Variants in DAB1 observed in about 807,000 individuals in gnomAD.
DAB1 encodes the protein disabled homolog 1.
DAB1 carries 15 observed loss-of-function variants against 64.6 expected under a neutral mutation model. That is an observed-to-expected ratio of 0.23 (90% CI 0.16 to 0.36). DAB1 has a LOEUF of 0.36. Ranked by LOEUF, DAB1 falls within the 10% of genes least tolerant of loss-of-function variation. The pLI is 1.00. For missense variants in DAB1, 596 were observed against 706.7 expected (o/e 0.84, Z 1.78); for synonymous variants, 235 against 251.9 (o/e 0.93, Z 0.64).
At chr1:57,774,172 G>A (rs1649689353) in intron 6 of DAB1, among the ~76,000 whole-genome samples, 1 of 151,666 alleles carries the variant, frequency 6.6e-6, no homozygotes. Flanking sequence ...TAAAATTTCA[G>A]CAATATTTTG....
Position 57,221,286 on chromosome 1 carries a change from T to G in DAB1, c.67+69678A>C, listed in dbSNP as rs565022912. ...GGGGGAGGGATAGCATTAGGAGATA[T>G]ACCTAATGTAAATGACGAGTTAATG... is the stretch of plus-strand genomic sequence containing the variant. On this transcript the variant is annotated intron_variant, in intron 2 of 14. Transcript: ENST00000371236. Among the ~76,000 whole-genome samples, 377 of 152,198 alleles carry G rather than the reference T, an allele frequency of 2.5e-3. 4 individuals are homozygous for G. The highest frequency in any genetic ancestry group is 8.6e-3 in the African/African-American group (356 of 41,546).
intron 2 of DAB1, among the ~76,000 whole-genome samples, chr1:58,521,407 A>C (rs546678446): frequency 6.6e-6 from 1 of 152,060 alleles, no homozygotes; most frequent in Non-Finnish European, 1.5e-5. Context: ...AACCCAAAAA[A>C]TGAATGCAGA....
At chr1:57,175,025 G>C (rs11206991) in intron 2 of DAB1, among the ~76,000 whole-genome samples, 15,086 of 152,178 alleles carry the variant, frequency 0.099, 1,640 homozygotes, top group African/African-American at 0.27. Flanking sequence ...TCCCCCAACA[G>C]AGCACACGGA....
intron 7 of DAB1, among the ~76,000 whole-genome samples, chr1:57,483,106 G>A (rs890878845): frequency 2.0e-5 from 3 of 152,126 alleles, no homozygotes; most frequent in Non-Finnish European, 4.4e-5. Flanking sequence ...ATATGCATGG[G>A]AAAAAGATGG....
chr1:57,613,434 TATGTGCACCCC>T, intron 7 of DAB1, among the ~76,000 whole-genome samples: 1 of 152,130 alleles, frequency 6.6e-6, no homozygotes, highest in Non-Finnish European at 1.5e-5. Context: ...CTCTGTCAGA[TATGTGCACCCC>T]ATGTATAAAA....
intron 8 of DAB1, among the ~76,000 whole-genome samples, chr1:57,068,383 C>T (rs1557662619): frequency 6.6e-6 from 1 of 152,214 alleles, no homozygotes; most frequent in Non-Finnish European, 1.5e-5. Context: ...TTCAACAAGG[C>T]TGACAACTTT....
At chr1:58,412,016 G>A (rs1644675338) in intron 3 of DAB1, among the ~76,000 whole-genome samples, 1 of 152,136 alleles carries the variant, frequency 6.6e-6, no homozygotes. Context: ...CCACTTTCAG[G>A]CTATGTTGCA....
At chr1:57,806,485 C>T (rs138248201) in intron 6 of DAB1, among the ~76,000 whole-genome samples, 121 of 152,260 alleles carry the variant, frequency 7.9e-4, no homozygotes, top group African/African-American at 2.4e-3. Flanking sequence ...ACCAAGGCAA[C>T]GACTGGCCAC....
At chr1:57,608,873 G>A (rs531218856) in intron 7 of DAB1, among the ~76,000 whole-genome samples, 2 of 152,154 alleles carry the variant, frequency 1.3e-5, no homozygotes, top group South Asian at 2.1e-4. Context: ...ACTCTGCCTC[G>A]GTTTCCTTAT....
intron 4 of DAB1, among the ~76,000 whole-genome samples, chr1:57,076,301 C>A (rs1215585203): frequency 6.6e-6 from 1 of 152,318 alleles, no homozygotes; most frequent in African/African-American, 2.4e-5. Flanking sequence ...TGGTTGCCCT[C>A]TTCCACATTT....
intron 7 of DAB1, among the ~76,000 whole-genome samples, chr1:57,618,550 G>C (rs1320150068): frequency 6.6e-6 from 1 of 152,192 alleles, no homozygotes; most frequent in African/African-American, 2.4e-5. Flanking sequence ...TTTGAGAAGT[G>C]ATTCCTAAAC....
intron 4 of DAB1, among the ~76,000 whole-genome samples, chr1:58,300,631 AGAGAGAGAGAGAGAGAGGAAGGAAGG>A (rs1231718253): frequency 1.4e-3 from 86 of 63,086 alleles, no homozygotes; most frequent in Non-Finnish European, 2.2e-3. Flanking sequence ...AGAGAGAGAG[AGAGAGAGAGAGAGAGAGGAAGGAAGG>A]AAGGAAGGAA....
chr1:58,151,308 A>G (rs1174331109), intron 4 of DAB1, among the ~76,000 whole-genome samples: 1 of 152,238 alleles, frequency 6.6e-6, no homozygotes, highest in Non-Finnish European at 1.5e-5. Flanking sequence ...CAGTCCCACC[A>G]ACAGTGTAAA....
At chr1:57,483,033 TATG>T (rs1644043714) in intron 7 of DAB1, among the ~76,000 whole-genome samples, 1 of 152,198 alleles carries the variant, frequency 6.6e-6, no homozygotes. Flanking sequence ...GAGGATTGCT[TATG>T]ATATCTTAAA....
chr1:57,583,742 T>C (rs893260869), intron 7 of DAB1, among the ~76,000 whole-genome samples: 26 of 152,190 alleles, frequency 1.7e-4, no homozygotes, highest in Non-Finnish European at 3.2e-4. Context: ...CCAAATTTCT[T>C]CCAATTGCCC....
chr1:57,411,772 G>T (rs138166563), intron 1 of DAB1, among the ~76,000 whole-genome samples: 2 of 152,364 alleles, frequency 1.3e-5, no homozygotes, highest in African/African-American at 2.4e-5. Context: ...AGGCTGCAAA[G>T]GAGGGCAGTG....
At chr1:57,328,214 T>C (rs1421791133) in intron 1 of DAB1, among the ~76,000 whole-genome samples, 2 of 152,120 alleles carry the variant, frequency 1.3e-5, no homozygotes, top group Non-Finnish European at 2.9e-5. Flanking sequence ...ATCCCAGGAA[T>C]TAGAGGCAAA....
intron 4 of DAB1, among the ~76,000 whole-genome samples, chr1:57,108,346 TTACTGGCCTTATC>T (rs1469500311): frequency 2.0e-5 from 3 of 152,170 alleles, no homozygotes. Flanking sequence ...CATTACCAGA[TTACTGGCCTTATC>T]TACCTGCACT....
intron 2 of DAB1, among the ~76,000 whole-genome samples, chr1:57,264,538 G>C (rs1670439188): frequency 6.6e-6 from 1 of 152,146 alleles, no homozygotes; most frequent in African/African-American, 2.4e-5. Context: ...TGATCTCACG[G>C]CAATCCTGCA....
Sources: gnomAD v4.1 joint callset for allele counts (sites outside exome capture counted in the v4.1 genomes callset) on GRCh38, gnomAD v4.1.1 for gene constraint, MANE v1.5 for transcripts, NCBI Gene and HGNC (gene_info 2026-07-23, HGNC 2026-07-21) for gene names.